SPI1: variants seen among roughly 807,000 people sequenced by gnomAD.
SPI1 encodes transcription factor PU.1.
A neutral mutation model predicts 30.7 loss-of-function variants in SPI1; 3 were observed. That is an observed-to-expected ratio of 0.10 (90% CI 0.04 to 0.25). The LOEUF (loss-of-function observed/expected upper bound fraction) is 0.25, where lower values mean the gene tolerates loss of function less well. Among genes scored for constraint, SPI1 ranks in the 10% least tolerant of loss-of-function variants. The probability of loss-of-function intolerance (pLI) is 1.00; values close to 1 mark genes in which losing one functional copy is unlikely to be tolerated. For synonymous variants in SPI1, 169 were observed against 157.1 expected (o/e 1.08, Z -0.56); for missense variants, 261 against 371.5 (o/e 0.70, Z 2.45).
intron 2 of SPI1, among the ~76,000 whole-genome samples, chr11:47,362,783 C>T (rs1370580802): frequency 6.6e-6 from 1 of 151,786 alleles, no homozygotes; most frequent in Non-Finnish European, 1.5e-5. Flanking sequence ...ACTATATTGG[C>T]CAGGCTGGTC....
chr11:47,366,192 A>T (rs2095927922), intron 2 of SPI1, among the ~76,000 whole-genome samples: 1 of 152,164 alleles, frequency 6.6e-6, no homozygotes, highest in African/African-American at 2.4e-5. Context: ...ATTCATCTTC[A>T]TCTCTCATTT....
chr11:47,357,006 TTCC>T (rs1403023481), intron 4 of SPI1, among the ~76,000 whole-genome samples: 1 of 143,648 alleles, frequency 7.0e-6, no homozygotes, highest in East Asian at 2.1e-4. Context: ...ATACACACAC[TTCC>T]TCACACACCT....
intron 4 of SPI1, among the ~76,000 whole-genome samples, chr11:47,356,960 ATGCTCACGTC>A (rs988237420): frequency 7.2e-6 from 1 of 138,642 alleles, no homozygotes; most frequent in African/African-American, 2.6e-5. Context: ...CCACTCACAC[ATGCTCACGTC>A]TGCTCACACA....
intron 4 of SPI1, among the ~76,000 whole-genome samples, chr11:47,357,068 CAT>C (rs1392605090): frequency 1.8e-4 from 27 of 151,690 alleles, no homozygotes; most frequent in African/African-American, 6.3e-4. Context: ...TGCTCACACA[CAT>C]GCTAACACTT....
In SPI1 at chr11:47,359,740, G is replaced by T; in HGVS notation, c.330+113C>A. 7.9e-7 allele frequency: 1 copy of T among 1,258,922 alleles called. No homozygotes were observed. The highest frequency in any genetic ancestry group is 1.1e-6 in the Non-Finnish European group (1 of 903,896). The allele number at this position is 1,258,922 out of a possible 1,614,324, so 78.0% of individuals were successfully genotyped here. A position where few individuals can be genotyped will look rare whatever the true frequency, so the allele number is the denominator to read the frequency against. On this transcript the variant is annotated intron_variant, in intron 3 of 4. Coordinates refer to ENST00000378538, the MANE Select transcript of SPI1 (RefSeq NM_003120.3). This position sits in a 1 kb window ranked among gnomAD's most constrained non-coding sequence, Gnocchi z 5.1. ...TGGAGCTCCAGCCGCCGTTGGCACT[G>T]TGGGGCAGGAAGCTGAGTTGGGTAA...
chr11:47,355,992 C>A (rs575097674), intron 4 of SPI1, among the ~76,000 whole-genome samples: 6 of 150,154 alleles, frequency 4.0e-5, no homozygotes, highest in Non-Finnish European at 7.4e-5. Flanking sequence ...CACACGCTCA[C>A]ACGTACAATG....
chr11:47,369,053 C>G (rs2095932167), intron 2 of SPI1, among the ~76,000 whole-genome samples: 1 of 152,098 alleles, frequency 6.6e-6, no homozygotes, highest in Admixed American at 6.6e-5. Flanking sequence ...CAAGACCAGC[C>G]TGGCCAACAT....
intron 2 of SPI1, among the ~76,000 whole-genome samples, chr11:47,364,358 G>T (rs375679846): frequency 6.6e-6 from 1 of 152,074 alleles, no homozygotes; most frequent in African/African-American, 2.4e-5. Flanking sequence ...TTTTCATCTT[G>T]CAGTGAGCTA....
chr11:47,355,774 A>ACC (rs71308363), intron 4 of SPI1, among the ~76,000 whole-genome samples: 18,323 of 142,146 alleles, frequency 0.13, 1,217 homozygotes, highest in South Asian at 0.15. Flanking sequence ...CCACGCACTC[A>ACC]CCCCCCCCAC....
At chr11:47,360,103 T>C in intron 2 of SPI1, 63 bp from the exon 3 acceptor site, 3 of 1,355,514 alleles carry the variant, frequency 2.2e-6, no homozygotes, top group Non-Finnish European at 3.0e-6. Flanking sequence ...GAAAAGGTTA[T>C]AGTAACATTA....
intron 2 of SPI1, among the ~76,000 whole-genome samples, chr11:47,368,296 C>T (rs952417371): frequency 6.6e-6 from 1 of 152,056 alleles, no homozygotes; most frequent in Non-Finnish European, 1.5e-5. Flanking sequence ...ACCTGGGAGG[C>T]GGAGGTTGCA....
At chr11:47,366,852 G>GAAAAGAA (rs1303843429) in intron 2 of SPI1, among the ~76,000 whole-genome samples, 5 of 140,660 alleles carry the variant, frequency 3.6e-5, no homozygotes, top group African/African-American at 1.2e-4. Flanking sequence ...GAAAAGAAAA[G>GAAAAGAA]AAACAGGCTC....
chr11:47,373,718 G>A (rs1222262438), intron 2 of SPI1, among the ~76,000 whole-genome samples: 1 of 151,994 alleles, frequency 6.6e-6, no homozygotes, highest in Non-Finnish European at 1.5e-5. Context: ...ACAGAGCCAA[G>A]GCCGAGGACA....
intron 2 of SPI1, among the ~76,000 whole-genome samples, chr11:47,373,675 C>A (rs2095938799): frequency 6.6e-6 from 1 of 151,716 alleles, no homozygotes; most frequent in South Asian, 2.1e-4. Context: ...AAGGACAGCC[C>A]AAATGCCCTG....
chr11:47,357,037 A>T (rs1160270215), intron 4 of SPI1, among the ~76,000 whole-genome samples: 1 of 151,104 alleles, frequency 6.6e-6, no homozygotes, highest in East Asian at 1.9e-4. Context: ...AGTCTCACAC[A>T]CACTTATGCT....
At chr11:47,378,253 G>T in intron 1 of SPI1, 56 bp downstream of exon 1, 1 of 1,577,104 alleles carries the variant, frequency 6.3e-7, no homozygotes, top group Middle Eastern at 1.7e-4. Flanking sequence ...TCGTGGGCAG[G>T]CAGGCAGGCG....
rs965232822 is a variant in SPI1, at chr11:47,375,584, G to A, written c.142+49C>T. ...TTCTTTTTCTCTCTCCAGACCCCAG[G>A]AGCCCAGGCTGGGCTGGGGGATGGG... On this transcript the variant is annotated intron_variant, in intron 2 of 4. Coordinates refer to ENST00000378538, the MANE Select transcript of SPI1 (RefSeq NM_003120.3). The surrounding 1 kb of genome is among the most constrained non-coding windows in gnomAD (Gnocchi z 4.2). The A allele has an allele frequency of 3.6e-6, 5 of 1,381,050 alleles. No individual in the cohort carries two copies. The African/African-American group carries it at 7.1e-5, about 20-fold the overall frequency. The allele number at this position is 1,381,050 out of a possible 1,614,324, so 85.5% of individuals were successfully genotyped here.
At chr11:47,377,284 A>G (rs10838700) in intron 1 of SPI1, among the ~76,000 whole-genome samples, 151,432 of 152,232 alleles carry the variant, frequency 0.99, 75,327 homozygotes, top group Middle Eastern at 1. Context: ...GCTCTGAGCC[A>G]GGGCATAGTG....
intron 4 of SPI1, chr11:47,358,277 C>A (rs1259862620): frequency 4.2e-6 from 2 of 472,574 alleles, no homozygotes; most frequent in Non-Finnish European, 7.8e-6. Flanking sequence ...TGCTGTCACA[C>A]CCCCACTCAC....
Sources: gnomAD v4.1 joint callset for allele counts (sites outside exome capture counted in the v4.1 genomes callset) on GRCh38, gnomAD v4.1.1 for gene constraint, Gnocchi (gnomAD v3.1) non-coding constraint, MANE v1.5 for transcripts, NCBI Gene and HGNC (gene_info 2026-07-23, HGNC 2026-07-21) for gene names.